Variants in FHIT observed in about 807,000 individuals in gnomAD.
FHIT encodes the protein bis(5'-adenosyl)-triphosphatase.
A neutral mutation model predicts 17.9 loss-of-function variants in FHIT; 19 were observed. The observed-to-expected ratio is 1.06, with a 90% CI of 0.74 to 1.56. The LOEUF (loss-of-function observed/expected upper bound fraction) is 1.56, where lower values mean the gene tolerates loss of function less well. Ranked by LOEUF, FHIT falls within the 40% of genes most tolerant of loss-of-function variation. The pLI is 0.00. For synonymous variants in FHIT, 81 were observed against 69.7 expected, an observed-to-expected ratio of 1.16 and a Z score of -0.81; for missense variants, 248 against 189.2, an observed-to-expected ratio of 1.31 and a Z score of -1.82.
chr3:59,783,986 G>A (rs900411569), intron 8 of FHIT, among the ~76,000 whole-genome samples: 1 of 152,172 alleles, frequency 6.6e-6, no homozygotes. Context: ...AGGGAAGCTG[G>A]GGAGGAGAGT....
At chr3:60,300,990 C>A (rs1257063870) in intron 5 of FHIT, among the ~76,000 whole-genome samples, 8 of 151,938 alleles carry the variant, frequency 5.3e-5, no homozygotes, top group Non-Finnish European at 4.4e-5. Flanking sequence ...GCAGCTAGAT[C>A]ATCTTTCAAG....
intron 3 of FHIT, among the ~76,000 whole-genome samples, chr3:60,931,700 T>C (rs1169164488): frequency 6.6e-6 from 1 of 152,212 alleles, no homozygotes; most frequent in African/African-American, 2.4e-5. Flanking sequence ...TGGAGTTTGT[T>C]TTTTCAGGTT....
chr3:61,072,952 T>C (rs73110381), intron 2 of FHIT, among the ~76,000 whole-genome samples: 2,494 of 152,294 alleles, frequency 0.016, 33 homozygotes, highest in South Asian at 0.029. Context: ...TTTCCTCCTC[T>C]TAAAACATGC....
At chr3:61,011,953 G>A (rs2031815574) in intron 3 of FHIT, among the ~76,000 whole-genome samples, 1 of 152,150 alleles carries the variant, frequency 6.6e-6, no homozygotes, top group South Asian at 2.1e-4. Flanking sequence ...GAAAACCCAA[G>A]TTGAAAGAAA....
rs1036692625 is a variant in FHIT, at chr3:60,510,062, A to T, written c.103+26798T>A. On this transcript the variant is annotated intron_variant, in intron 5 of 9. Transcript: ENST00000492590. ...CTAGTACTCTTATTTTGCCATCTTT[A>T]TTTTTGTCTCTGGAAAATGAATAAA... Among the ~76,000 whole-genome samples the T allele has an allele frequency of 2.6e-5, 4 of 152,242 alleles. No individual in the cohort carries two copies. The South Asian group carries it at 6.2e-4, about 24-fold the overall frequency.
intron 8 of FHIT, among the ~76,000 whole-genome samples, chr3:59,861,922 GT>G (rs1395216120): frequency 6.6e-6 from 1 of 151,900 alleles, no homozygotes; most frequent in African/African-American, 2.4e-5. Context: ...TAAAGTGTGT[GT>G]TTTTTCCCCA....
At chr3:60,107,150 C>CTTTTTTTTTTTTT (rs540311961) in intron 5 of FHIT, among the ~76,000 whole-genome samples, 1 of 95,158 alleles carries the variant, frequency 1.1e-5, no homozygotes, top group African/African-American at 4.1e-5. Context: ...AGCTTTAATT[C>CTTTTTTTTTTTTT]TTTTTTTTTT....
chr3:60,295,455 A>G (rs981057529), intron 5 of FHIT, among the ~76,000 whole-genome samples: 2 of 152,112 alleles, frequency 1.3e-5, no homozygotes. Flanking sequence ...ATGGCGAGAC[A>G]GGAAGCAAGA....
intron 7 of FHIT, among the ~76,000 whole-genome samples, chr3:59,952,138 T>G (rs1433467099): frequency 6.6e-6 from 1 of 152,170 alleles, no homozygotes; most frequent in Non-Finnish European, 1.5e-5. Context: ...TTCACTACCT[T>G]CTACTTTAGC....
At chr3:59,846,799 C>T (rs633577) in intron 8 of FHIT, among the ~76,000 whole-genome samples, 149,707 of 152,288 alleles carry the variant, frequency 0.98, 73,638 homozygotes, top group East Asian at 1. Flanking sequence ...TCTGGGAATG[C>T]CTTAATTTCT....
At chr3:60,102,369 C>A (rs1025210310) in intron 5 of FHIT, among the ~76,000 whole-genome samples, 2 of 152,166 alleles carry the variant, frequency 1.3e-5, no homozygotes, top group African/African-American at 4.8e-5. Context: ...GGAACAAAGA[C>A]AAAGTTCAGG....
At chr3:60,069,286 G>C (rs1344362950) in intron 5 of FHIT, among the ~76,000 whole-genome samples, 1 of 152,134 alleles carries the variant, frequency 6.6e-6, no homozygotes, top group East Asian at 1.9e-4. Flanking sequence ...AAAAGTGTTT[G>C]TGTATTAAGT....
chr3:60,925,995 A>G (rs1553769750), intron 3 of FHIT, among the ~76,000 whole-genome samples: 2 of 152,266 alleles, frequency 1.3e-5, no homozygotes, highest in Non-Finnish European at 2.9e-5. Flanking sequence ...CAATTCAACA[A>G]GAAAAGCTAA....
intron 3 of FHIT, among the ~76,000 whole-genome samples, chr3:60,885,866 C>T (rs914864988): frequency 6.6e-6 from 1 of 152,102 alleles, no homozygotes; most frequent in African/African-American, 2.4e-5. Context: ...CACCAATAAC[C>T]TCTGACACAT....
intron 2 of FHIT, among the ~76,000 whole-genome samples, chr3:61,187,800 T>C (rs546253469): frequency 1.3e-5 from 2 of 152,306 alleles, no homozygotes; most frequent in East Asian, 1.9e-4. Context: ...CTCAATTACA[T>C]GGAAACTGAA....
At chr3:61,140,148 G>C (rs2106996845) in intron 2 of FHIT, among the ~76,000 whole-genome samples, 1 of 152,218 alleles carries the variant, frequency 6.6e-6, no homozygotes, top group African/African-American at 2.4e-5. Context: ...GTAGCTTTGG[G>C]CAAGTTGCCT....
chr3:60,412,033 A>G (rs1702079458), intron 5 of FHIT, among the ~76,000 whole-genome samples: 1 of 151,976 alleles, frequency 6.6e-6, no homozygotes, highest in South Asian at 2.1e-4. Context: ...TTTCACCTGT[A>G]TTATCTTCAG....
intron 4 of FHIT, among the ~76,000 whole-genome samples, chr3:60,667,490 C>T (rs1214544269): frequency 6.6e-6 from 1 of 151,778 alleles, no homozygotes; most frequent in Non-Finnish European, 1.5e-5. Flanking sequence ...TATTTCTTTT[C>T]TAATATTTTC....
intron 1 of FHIT, among the ~76,000 whole-genome samples, chr3:61,209,183 T>A (rs892642407): frequency 6.6e-6 from 1 of 152,192 alleles, no homozygotes; most frequent in Non-Finnish European, 1.5e-5. Context: ...TGCCGAGAGA[T>A]CCGCTGTTAG....
Sources: allele counts gnomAD v4.1 joint callset (sites outside exome capture counted in the v4.1 genomes callset), GRCh38; gene constraint gnomAD v4.1.1; transcripts MANE v1.5; gene names NCBI Gene and HGNC (gene_info 2026-07-23, HGNC 2026-07-21).